Variants in UIMC1 observed in about 807,000 individuals in gnomAD.
UIMC1 encodes the protein BRCA1-A complex subunit RAP80.
Under a neutral mutation model 84.9 loss-of-function variants are expected in UIMC1, and 42 were observed. That is an observed-to-expected ratio of 0.49 (90% CI 0.39 to 0.64). The LOEUF (loss-of-function observed/expected upper bound fraction) is 0.64. Among genes scored for constraint, UIMC1 ranks in the 30% least tolerant of loss-of-function variants. The probability of loss-of-function intolerance (pLI) is 0.00; values close to 1 mark genes in which losing one functional copy is unlikely to be tolerated. For missense variants in UIMC1, 825 were observed against 847.6 expected, an observed-to-expected ratio of 0.97 and a Z score of 0.33; for synonymous variants, 281 against 293.0, an observed-to-expected ratio of 0.96 and a Z score of 0.42.
rs777815949 is a variant in UIMC1, at chr5:176,907,097, G to A, written c.1912+17C>T. On this transcript the variant is annotated intron_variant, in intron 13 of 14. Transcript: ENST00000511320. Reference sequence around the variant, plus strand: ...GCCTTAGGCAGAAGCCCAGAAAACTGGTCCTGGGGTCCTCACCTGAAGTCT... The same window carrying A: ...GCCTTAGGCAGAAGCCCAGAAAACTAGTCCTGGGGTCCTCACCTGAAGTCT... 33 of 1,612,952 alleles carry A rather than the reference G, an allele frequency of 2.0e-5. 2 individuals are homozygous for A. In the South Asian group the frequency reaches 3.4e-4, roughly 17 times the overall value.
intron 1 of UIMC1, among the ~76,000 whole-genome samples, chr5:177,018,304 C>T (rs569850131): frequency 9.9e-5 from 15 of 150,830 alleles, no homozygotes; most frequent in Admixed American, 4.0e-4. Context: ...GAGCCGAGAT[C>T]GCACCACTGC....
chr5:177,022,065 C>T (rs1302795722), intron 1 of UIMC1, among the ~76,000 whole-genome samples: 1 of 152,108 alleles, frequency 6.6e-6, no homozygotes, highest in African/African-American at 2.4e-5. Context: ...GCTGGGAATG[C>T]CAGTGAGGTT....
chr5:176,946,126 T>C (rs1258841692), intron 9 of UIMC1, among the ~76,000 whole-genome samples: 2 of 152,150 alleles, frequency 1.3e-5, no homozygotes, highest in African/African-American at 4.8e-5. Flanking sequence ...ATTCAGTGCA[T>C]TGTTGGCACC....
intron 10 of UIMC1, among the ~76,000 whole-genome samples, chr5:176,914,545 G>C (rs776283288): frequency 1.3e-5 from 2 of 152,130 alleles, no homozygotes; most frequent in African/African-American, 4.8e-5. Context: ...TTTACTAATG[G>C]AGACAGCATA....
chr5:176,948,902 T>C lies in UIMC1; in HGVS notation c.1443+2572A>G, dbSNP rs762462397. On this transcript the variant is annotated intron_variant, in intron 9 of 14. Transcript: ENST00000511320. ...GTCCACACCCTTTATACTATCTTTG[T>C]GCACATAAAATGTTCCATTCTGTCT... Among the ~76,000 whole-genome samples, 41 of 152,316 alleles carry C rather than the reference T, an allele frequency of 2.7e-4. No homozygotes were observed. In the Middle Eastern group the frequency reaches 0.024, roughly 88 times the overall value.
chr5:176,982,858 C>T (rs554855983), intron 1 of UIMC1, among the ~76,000 whole-genome samples: 1 of 152,320 alleles, frequency 6.6e-6, no homozygotes, highest in Non-Finnish European at 1.5e-5. Flanking sequence ...CGCCACCACA[C>T]TGGCTAATTT....
upstream of UIMC1, among the ~76,000 whole-genome samples, chr5:177,007,285 A>G (rs1344237023): frequency 6.9e-6 from 1 of 145,266 alleles, no homozygotes; most frequent in Admixed American, 7.0e-5. Context: ...GGATGCAGTG[A>G]GCCCAGGTCA....
chr5:176,960,485 A>T (rs1156398440), intron 6 of UIMC1, among the ~76,000 whole-genome samples: 1 of 152,168 alleles, frequency 6.6e-6, no homozygotes, highest in East Asian at 1.9e-4. Flanking sequence ...GCATGGCAGA[A>T]ATAAAAATTT....
chr5:176,984,004 C>T (rs1189490726), intron 1 of UIMC1, among the ~76,000 whole-genome samples: 3 of 145,190 alleles, frequency 2.1e-5, no homozygotes, highest in East Asian at 2.1e-4. Context: ...CCGGCCGCCC[C>T]GTCTGGGAAG....
chr5:176,922,374 G>A (rs1761815118), intron 10 of UIMC1, among the ~76,000 whole-genome samples: 1 of 152,176 alleles, frequency 6.6e-6, no homozygotes, highest in Admixed American at 6.5e-5. Context: ...TCTAAGTTGA[G>A]TACCCTACAA....
At chr5:176,956,720 A>T (rs1436093975) in intron 7 of UIMC1, among the ~76,000 whole-genome samples, 1 of 151,734 alleles carries the variant, frequency 6.6e-6, no homozygotes, top group Non-Finnish European at 1.5e-5. Flanking sequence ...CATGCTTCAC[A>T]GGGCTTTACG....
At chr5:176,912,620 G>A (rs986160963) in intron 10 of UIMC1, among the ~76,000 whole-genome samples, 3 of 149,892 alleles carry the variant, frequency 2.0e-5, no homozygotes, top group Non-Finnish European at 4.4e-5. Flanking sequence ...CTACAGGTAT[G>A]TCCCACCATG....
chr5:176,944,337 T>G (rs951348373), intron 9 of UIMC1, among the ~76,000 whole-genome samples: 3 of 152,150 alleles, frequency 2.0e-5, no homozygotes, highest in African/African-American at 7.2e-5. Context: ...TCCTCTGTTT[T>G]GTAGTCATCA....
chr5:176,977,898 G>A lies in UIMC1; in HGVS notation c.148-2418C>T, dbSNP rs185532677. 4.0e-3 allele frequency among the ~76,000 whole-genome samples: 599 copies of A among 151,114 alleles called. 2 individuals are homozygous for A. Among genetic ancestry groups the A allele is most frequent in the South Asian group, 0.015 (74 of 4,788 alleles). The stretch of plus-strand genomic sequence containing the variant: ...TGCACTCCAGCTTGGGCAACAGAGC[G>A]AGACTCCATCTCAAAAAAATACATA... On this transcript the variant is annotated intron_variant, in intron 2 of 14. Coordinates refer to ENST00000511320, the MANE Select transcript of UIMC1 (RefSeq NM_001199298.2).
intron 6 of UIMC1, among the ~76,000 whole-genome samples, chr5:176,963,475 C>T (rs544482578): frequency 2.7e-5 from 4 of 149,200 alleles, no homozygotes; most frequent in East Asian, 4.0e-4. Context: ...GAGCTGAGAT[C>T]GTGTCACTGC....
At chr5:176,990,411 CA>C (rs948472600) in intron 1 of UIMC1, among the ~76,000 whole-genome samples, 1 of 151,494 alleles carries the variant, frequency 6.6e-6, no homozygotes, top group African/African-American at 2.4e-5. Context: ...GAACTGTGAA[CA>C]AAAAAAATTG....
chr5:176,906,683 C>T (rs992230501), intron 13 of UIMC1, among the ~76,000 whole-genome samples: 3 of 152,224 alleles, frequency 2.0e-5, no homozygotes, highest in Non-Finnish European at 4.4e-5. Flanking sequence ...CTCTACTGCT[C>T]CCTAAATACT....
intron 1 of UIMC1, among the ~76,000 whole-genome samples, chr5:176,989,524 G>A (rs1772496659): frequency 1.3e-5 from 2 of 151,926 alleles, no homozygotes; most frequent in Non-Finnish European, 2.9e-5. Flanking sequence ...GCTGGGTGTG[G>A]TGGCACATGC....
intron 10 of UIMC1, among the ~76,000 whole-genome samples, chr5:176,916,360 T>C (rs1404259632): frequency 6.6e-6 from 1 of 152,224 alleles, no homozygotes; most frequent in South Asian, 2.1e-4. Flanking sequence ...GCTGCTTATA[T>C]TCCACTGCAT....
Sources: allele counts gnomAD v4.1 joint callset (sites outside exome capture counted in the v4.1 genomes callset), GRCh38; gene constraint gnomAD v4.1.1; transcripts MANE v1.5; gene names NCBI Gene and HGNC (gene_info 2026-07-23, HGNC 2026-07-21).